The following DLG1 variants were observed in gnomAD, a reference collection of about 807,000 sequenced individuals.
The protein encoded by DLG1 is disks large homolog 1.
In DLG1, 42 loss-of-function variants were observed where a neutral mutation model predicts 123.4. The ratio of observed to expected loss-of-function variants is 0.34; its 90% CI spans 0.27 to 0.44. DLG1 has a LOEUF of 0.44. DLG1 is among the 20% of genes least tolerant of loss of function. The pLI is 1.00. For synonymous variants in DLG1, 317 were observed against 356.2 expected, an observed-to-expected ratio of 0.89 and a Z score of 1.24; for missense variants, 942 against 1,082.6, an observed-to-expected ratio of 0.87 and a Z score of 1.82.
chr3:197,065,613 CA>C, intron 21 of DLG1, 94 bp downstream of exon 21: 1 of 1,040,958 alleles, frequency 9.6e-7, no homozygotes, highest in African/African-American at 1.6e-5. Context: ...AAAATAAGTA[CA>C]AACCATTAAA....
intron 19 of DLG1, 54 bp from the exon 20 acceptor site, chr3:197,066,808 T>A: frequency 8.1e-7 from 1 of 1,227,146 alleles, no homozygotes; most frequent in Non-Finnish European, 1.2e-6. Flanking sequence ...TTGATGCTAA[T>A]CTAATTCTTC....
chr3:197,115,223 A>G (rs1447161699), intron 13 of DLG1, among the ~76,000 whole-genome samples: 1 of 152,136 alleles, frequency 6.6e-6, no homozygotes, highest in Non-Finnish European at 1.5e-5. Flanking sequence ...AAATACTAGA[A>G]ATGGCATGAT....
At chr3:197,150,779 A>G (rs1793462456) in intron 5 of DLG1, among the ~76,000 whole-genome samples, 1 of 152,118 alleles carries the variant, frequency 6.6e-6, no homozygotes, top group Non-Finnish European at 1.5e-5. Flanking sequence ...CAAACTTCAA[A>G]TAACACATTA....
intron 6 of DLG1, among the ~76,000 whole-genome samples, chr3:197,143,813 A>G (rs1789300793): frequency 6.6e-6 from 1 of 152,112 alleles, no homozygotes; most frequent in Non-Finnish European, 1.5e-5. Context: ...TCGGTCACAA[A>G]TTTCACTTAC....
At chr3:197,285,559 A>G (rs1178487453) in intron 3 of DLG1, among the ~76,000 whole-genome samples, 1 of 152,142 alleles carries the variant, frequency 6.6e-6, no homozygotes, top group Non-Finnish European at 1.5e-5. Flanking sequence ...ATTCTTTAAG[A>G]CTCAACAATA....
In DLG1 at chr3:197,043,896, A is replaced by G. The variant is rs993684256; in HGVS notation, c.*727T>C. 5 of 152,144 alleles carry G rather than the reference A, an allele frequency of 3.3e-5. No homozygotes were observed. The highest frequency in any genetic ancestry group is 5.9e-5 in the Non-Finnish European group (4 of 68,010). The allele number at this position is 152,144 out of a possible 1,614,324, so 9.4% of individuals were successfully genotyped here. A position where few individuals can be genotyped will look rare whatever the true frequency, so the allele number is the denominator to read the frequency against. ...TCCTTAGCACCTGAACATGGCCTCA[A>G]TTCACGAAATGTGATGATCATTTAC... is the stretch of plus-strand genomic sequence containing the variant. On this transcript the variant is annotated 3_prime_UTR_variant, in exon 25 of 25. Transcript: ENST00000667157.
At chr3:197,255,394 G>T (rs1248521629) in intron 4 of DLG1, among the ~76,000 whole-genome samples, 1 of 152,120 alleles carries the variant, frequency 6.6e-6, no homozygotes, top group Non-Finnish European at 1.5e-5. Context: ...ATGAAGCAGG[G>T]GACTAGGTGA....
rs1191459270 is a variant in DLG1, at chr3:197,060,006, A to G, written c.2374-8T>C. On this transcript the variant is annotated splice_region_variant and splice_polypyrimidine_tract_variant and intron_variant, in intron 22 of 24. Transcript: ENST00000667157. ...AAGGATACAGTGTTTGCCCTAAAAT[A>G]AAGGGAACAAAGAAAAAAAACAAGT... The G allele has an allele frequency of 6.3e-7, 1 of 1,595,002 alleles. No homozygotes were observed. The highest frequency in any genetic ancestry group is 2.2e-5 in the East Asian group (1 of 44,684).
chr3:197,069,202 T>C lies in DLG1; in HGVS notation c.2047+17A>G. On this transcript the variant is annotated intron_variant, in intron 19 of 24. Coordinates refer to ENST00000667157, the MANE Select transcript of DLG1 (RefSeq NM_001366207.1). Reference sequence around the variant, plus strand: ...TTACTCGAGATTACAAAAGAACAAGTAACTTAAAACACTTACGGTAACTAC... The same window carrying C: ...TTACTCGAGATTACAAAAGAACAAGCAACTTAAAACACTTACGGTAACTAC... 6.4e-7 allele frequency: 1 copy of C among 1,561,200 alleles called. No individual in the cohort carries two copies. Among genetic ancestry groups the C allele is most frequent in the South Asian group, 1.2e-5 (1 of 83,112 alleles).
In DLG1 at chr3:197,212,698, T is replaced by C. The variant is rs73086589; in HGVS notation, c.319-18109A>G. ...GGAATAGCCCATCCCAATAATCTCATTTTAATTTGACTATCTCTGTAAAGA... is the reference window on the plus strand; with the variant it reads ...GGAATAGCCCATCCCAATAATCTCACTTTAATTTGACTATCTCTGTAAAGA... On this transcript the variant is annotated intron_variant, in intron 4 of 24. Coordinates refer to ENST00000667157, the MANE Select transcript of DLG1 (RefSeq NM_001366207.1). Among the ~76,000 whole-genome samples, 1,497 of 152,354 alleles carry C rather than the reference T, an allele frequency of 9.8e-3. 23 individuals carry two copies. Among genetic ancestry groups the C allele is most frequent in the African/African-American group, 0.033 (1,393 of 41,584 alleles).
chr3:197,063,538 T>C (rs1452280227), intron 22 of DLG1, among the ~76,000 whole-genome samples: 1 of 152,220 alleles, frequency 6.6e-6, no homozygotes, highest in Non-Finnish European at 1.5e-5. Context: ...TTCTTTTGCA[T>C]GTTGTGTATC....
chr3:197,075,974 A>T, intron 18 of DLG1: 3 of 900,642 alleles, frequency 3.3e-6, no homozygotes, highest in African/African-American at 1.7e-5. Context: ...CAGTTCCAAG[A>T]CCATTACAGG....
At chr3:197,097,512 A>T (rs1479271090) in intron 14 of DLG1, among the ~76,000 whole-genome samples, 1 of 149,296 alleles carries the variant, frequency 6.7e-6, no homozygotes, top group African/African-American at 2.5e-5. Context: ...GGCTTTCCTA[A>T]TTTTTTTGAG....
In DLG1 at chr3:197,248,873, G is replaced by T. The variant is rs151246262; in HGVS notation, c.318+33806C>A. Among the ~76,000 whole-genome samples, 3 of 152,292 alleles carry T rather than the reference G, an allele frequency of 2.0e-5. No individual in the cohort carries two copies. The South Asian group carries it at 6.2e-4, about 32-fold the overall frequency. ...AAAGACAAGGAGGGTGAAACCCTTT[G>T]TTTGAAGAGAAACTGTTCCTAACAC... On this transcript the variant is annotated intron_variant, in intron 4 of 24. Transcript: ENST00000667157.
chr3:197,250,121 T>C (rs1421390395), intron 4 of DLG1, among the ~76,000 whole-genome samples: 1 of 152,158 alleles, frequency 6.6e-6, no homozygotes, highest in Non-Finnish European at 1.5e-5. Context: ...TTAGCCTTGT[T>C]TACAGATGGC....
intron 13 of DLG1, among the ~76,000 whole-genome samples, chr3:197,114,586 T>C (rs1771986239): frequency 6.6e-6 from 1 of 152,254 alleles, no homozygotes; most frequent in Non-Finnish European, 1.5e-5. Flanking sequence ...AATCAAGGGC[T>C]TGCACACTAA....
At chr3:197,080,808 T>C (rs1750697056) in intron 17 of DLG1, 1 of 336,100 alleles carries the variant, frequency 3.0e-6, no homozygotes. Flanking sequence ...GTCAAATACA[T>C]TTCATTTATA....
intron 4 of DLG1, among the ~76,000 whole-genome samples, chr3:197,273,148 T>C (rs192659245): frequency 1.3e-5 from 2 of 152,130 alleles, no homozygotes; most frequent in African/African-American, 2.4e-5. Context: ...TTTTTGTCAA[T>C]GTTTAGAGGA....
At chr3:197,239,053 T>C (rs1425696451) in intron 4 of DLG1, among the ~76,000 whole-genome samples, 3 of 152,042 alleles carry the variant, frequency 2.0e-5, no homozygotes, top group Non-Finnish European at 4.4e-5. Flanking sequence ...AAGTTGTTTC[T>C]TTAAATAAAC....
Sources: allele counts gnomAD v4.1 joint callset (sites outside exome capture counted in the v4.1 genomes callset), GRCh38; gene constraint gnomAD v4.1.1; transcripts MANE v1.5; gene names NCBI Gene and HGNC (gene_info 2026-07-23, HGNC 2026-07-21).